SLC1A2: variants seen among roughly 807,000 people sequenced by gnomAD.
The protein encoded by SLC1A2 is solute carrier family 1 member 2.
SLC1A2 carries 15 observed loss-of-function variants against 48.8 expected under a neutral mutation model. That is an observed-to-expected ratio of 0.31 (90% CI 0.21 to 0.47). The LOEUF is 0.47. Among genes scored for constraint, SLC1A2 ranks in the 20% least tolerant of loss-of-function variants. The pLI is 0.99. For synonymous variants in SLC1A2, 279 were observed against 272.6 expected (o/e 1.02, Z -0.23); for missense variants, 502 against 730.5 (o/e 0.69, Z 3.61).
chr11:35,314,261 T>C lies in SLC1A2; in HGVS notation c.310+762A>G, dbSNP rs534783421. Among the ~76,000 whole-genome samples, 5 of 152,366 alleles carry C rather than the reference T, an allele frequency of 3.3e-5. No homozygotes were observed. In the East Asian group the frequency reaches 9.6e-4, roughly 29 times the overall value. ...ATGCCACATATTAGGAGTAACTTTGTTCTGAAAAACTCAGAGGGCTTTCAT... is the reference window on the plus strand; with the variant it reads ...ATGCCACATATTAGGAGTAACTTTGCTCTGAAAAACTCAGAGGGCTTTCAT... On this transcript the variant is annotated intron_variant, in intron 3 of 10. Transcript: ENST00000278379.
Position 35,253,217 on chromosome 11 carries a change from C to G in SLC1A2, c.*7677G>C, listed in dbSNP as rs1197472358. On this transcript the variant is annotated 3_prime_UTR_variant, in exon 11 of 11. Transcript: ENST00000278379. ...ATGATTCTAAGCCCCCACTCCCAGC[C>G]CCCAGTGATACAGTATTGCCTCATA... is the stretch of plus-strand genomic sequence containing the variant. The G allele has an allele frequency of 6.6e-6, 1 of 152,190 alleles. No individual in the cohort carries two copies. Among genetic ancestry groups the G allele is most frequent in the Non-Finnish European group, 1.5e-5 (1 of 68,028 alleles). The allele number at this position is 152,190 out of a possible 1,614,324, so 9.4% of individuals were successfully genotyped here. A position where few individuals can be genotyped will look rare whatever the true frequency, so the allele number is the denominator to read the frequency against.
chr11:35,352,891 A>C (rs1453711905), intron 1 of SLC1A2, among the ~76,000 whole-genome samples: 1 of 152,212 alleles, frequency 6.6e-6, no homozygotes, highest in Non-Finnish European at 1.5e-5. Context: ...GTGGTGGGGA[A>C]GCATGTGCCT....
At chr11:35,333,783 TC>T (rs1471331456) in intron 1 of SLC1A2, among the ~76,000 whole-genome samples, 4 of 151,006 alleles carry the variant, frequency 2.6e-5, no homozygotes, top group Admixed American at 6.6e-5. Flanking sequence ...TGCCTCAGCC[TC>T]CCGAGTAGCT....
chr11:35,344,672 T>A (rs1006955985), intron 1 of SLC1A2, among the ~76,000 whole-genome samples: 2 of 152,214 alleles, frequency 1.3e-5, no homozygotes, highest in African/African-American at 4.8e-5. Context: ...CTGGCTGCCA[T>A]CCCTCACATG....
chr11:35,403,876 T>C (rs4755400), intron 1 of SLC1A2, among the ~76,000 whole-genome samples: 773 of 33,130 alleles, frequency 0.023, no homozygotes, highest in South Asian at 0.045. Context: ...GATTTTCCTG[T>C]TCCCTAAAAG....
chr11:35,304,775 C>T (rs1851454159), intron 5 of SLC1A2, among the ~76,000 whole-genome samples: 2 of 152,060 alleles, frequency 1.3e-5, no homozygotes, highest in South Asian at 4.1e-4. Flanking sequence ...AAACATGACA[C>T]TCAATTACTT....
intron 6 of SLC1A2, chr11:35,299,067 C>A (rs1172146982): frequency 6.6e-6 from 1 of 152,170 alleles, no homozygotes; most frequent in Non-Finnish European, 1.5e-5. Flanking sequence ...CATTTGGATG[C>A]GGTGGCTCAT....
intron 1 of SLC1A2, among the ~76,000 whole-genome samples, chr11:35,393,930 A>C (rs2135248968): frequency 6.6e-6 from 1 of 152,166 alleles, no homozygotes; most frequent in African/African-American, 2.4e-5. Flanking sequence ...TGCTGGTGAG[A>C]ATGGCTAAAG....
Position 35,260,838 on chromosome 11 carries a change from A to G in SLC1A2, c.*56T>C. ...TTAAAGAAAGCTTGTTTATATCATC[A>G]GTTACCATAGGATACGCTGGGGAGT... On this transcript the variant is annotated 3_prime_UTR_variant, in exon 11 of 11. Coordinates refer to ENST00000278379, the MANE Select transcript of SLC1A2 (RefSeq NM_004171.4). 2 of 1,172,254 alleles carry G rather than the reference A, an allele frequency of 1.7e-6. No individual in the cohort carries two copies. The highest frequency in any genetic ancestry group is 1.2e-5 in the South Asian group (1 of 80,928). The allele number at this position is 1,172,254 out of a possible 1,614,324, so 72.6% of individuals were successfully genotyped here. A position where few individuals can be genotyped will look rare whatever the true frequency, so the allele number is the denominator to read the frequency against.
intron 9 of SLC1A2, among the ~76,000 whole-genome samples, chr11:35,274,805 T>G (rs1850388164): frequency 6.6e-6 from 1 of 152,250 alleles, no homozygotes; most frequent in African/African-American, 2.4e-5. Context: ...AACGAGCCCA[T>G]GTAAAGTGCT....
intron 1 of SLC1A2, among the ~76,000 whole-genome samples, chr11:35,346,073 T>C (rs568221130): frequency 3.3e-5 from 5 of 152,286 alleles, no homozygotes; most frequent in African/African-American, 9.6e-5. Context: ...TTTTTTTCTT[T>C]ATACTTTAAG....
At chr11:35,395,009 G>C (rs879279412) in intron 1 of SLC1A2, among the ~76,000 whole-genome samples, 5 of 152,174 alleles carry the variant, frequency 3.3e-5, no homozygotes, top group Non-Finnish European at 5.9e-5. Flanking sequence ...CCCCCGAGGA[G>C]AGCGTCTTCC....
rs1037508803 is a variant in SLC1A2, at chr11:35,311,284, C to G, written c.561+914G>C. On this transcript the variant is annotated intron_variant, in intron 4 of 10. Coordinates refer to ENST00000278379, the MANE Select transcript of SLC1A2 (RefSeq NM_004171.4). The stretch of plus-strand genomic sequence containing the variant: ...AAGCAATTCTCTTGCCTCGGCCTCC[C>G]GAGTAGCTGGGATTACAGGCATGCG... Among the ~76,000 whole-genome samples the G allele has an allele frequency of 3.3e-5, 5 of 152,146 alleles. No homozygotes were observed. In the East Asian group the frequency reaches 9.6e-4, roughly 29 times the overall value.
intron 9 of SLC1A2, among the ~76,000 whole-genome samples, chr11:35,272,251 G>A (rs748886103): frequency 3.3e-5 from 5 of 152,214 alleles, no homozygotes; most frequent in Non-Finnish European, 7.3e-5. Flanking sequence ...TGGAGGGACT[G>A]TATTCCATCA....
At chr11:35,265,264 T>C (rs985355668) in intron 10 of SLC1A2, 2 of 538,806 alleles carry the variant, frequency 3.7e-6, no homozygotes, top group Admixed American at 3.6e-5. Flanking sequence ...ATGGGGTAGA[T>C]AGGGGAACCC....
intron 1 of SLC1A2, chr11:35,391,522 C>G (rs1854768520): frequency 6.6e-6 from 1 of 152,230 alleles, no homozygotes; most frequent in African/African-American, 2.4e-5. Flanking sequence ...CCCATACACC[C>G]TCCAAAACCC....
At position 35,254,820 on chromosome 11, in the gene SLC1A2, C is replaced by T. The variant is rs551207005; in HGVS notation, c.*6074G>A. 8.8e-6 allele frequency: 4 copies of T among 455,648 alleles called. No homozygotes were observed. Among genetic ancestry groups the T allele is most frequent in the East Asian group, 7.0e-5 (1 of 14,362 alleles). The allele number at this position is 455,648 out of a possible 1,614,324, so 28.2% of individuals were successfully genotyped here. On this transcript the variant is annotated 3_prime_UTR_variant, in exon 11 of 11. Coordinates refer to ENST00000278379, the MANE Select transcript of SLC1A2 (RefSeq NM_004171.4). Reference sequence around the variant, plus strand: ...AGCACAAAAGGGCCCTGTGTAAAAACCAGAAGGATTTTGTAAAATATCAAA... The same window carrying T: ...AGCACAAAAGGGCCCTGTGTAAAAATCAGAAGGATTTTGTAAAATATCAAA...
At chr11:35,371,083 C>T (rs1854045292) in intron 1 of SLC1A2, 1 of 980,314 alleles carries the variant, frequency 1.0e-6, no homozygotes, top group Non-Finnish European at 1.2e-6. Flanking sequence ...TCTGTGTTCA[C>T]TTTGGTCCAG....
chr11:35,348,663 G>A (rs1041160009), intron 1 of SLC1A2, among the ~76,000 whole-genome samples: 2 of 151,908 alleles, frequency 1.3e-5, no homozygotes, highest in Non-Finnish European at 2.9e-5. Context: ...AGGCTGAGGC[G>A]GATAGATCAC....
Sources: gnomAD v4.1 joint callset for allele counts (sites outside exome capture counted in the v4.1 genomes callset) on GRCh38, gnomAD v4.1.1 for gene constraint, MANE v1.5 for transcripts, NCBI Gene and HGNC (gene_info 2026-07-23, HGNC 2026-07-21) for gene names.